KCNMA1: variants seen among roughly 807,000 people sequenced by gnomAD.
KCNMA1 encodes the protein potassium calcium-activated channel subfamily M alpha 1, also known as Calcium-activated potassium channel subunit alpha-1.
A neutral mutation model predicts 140.0 loss-of-function variants in KCNMA1; 29 were observed. The ratio of observed to expected loss-of-function variants is 0.21; its 90% CI spans 0.15 to 0.28. KCNMA1 has a LOEUF of 0.28. KCNMA1 is among the 10% of genes least tolerant of loss of function. KCNMA1 has a pLI of 1.00. For missense variants in KCNMA1, 880 were observed against 1,602.2 expected (o/e 0.55, Z 7.70); for synonymous variants, 612 against 611.9 (o/e 1.00, Z 0.00).
Position 76,957,796 on chromosome 10 carries a change from T to C in KCNMA1, c.2361-3872A>G, listed in dbSNP as rs200338956. Reference sequence around the variant, plus strand: ...GCAGCGTGGGAGAGGGATTAATTTATGGCTCCAGTAAGGGCCAGCACTGTT... The same window carrying C: ...GCAGCGTGGGAGAGGGATTAATTTACGGCTCCAGTAAGGGCCAGCACTGTT... On this transcript the variant is annotated intron_variant, in intron 20 of 27. Coordinates refer to ENST00000286628, the MANE Select transcript of KCNMA1 (RefSeq NM_001161352.2). Among the ~76,000 whole-genome samples, 11 of 152,344 alleles carry C rather than the reference T, an allele frequency of 7.2e-5. No homozygotes were observed. The East Asian group carries it at 2.1e-3, about 29-fold the overall frequency.
intron 2 of KCNMA1, among the ~76,000 whole-genome samples, chr10:77,322,093 G>A (rs1259233900): frequency 6.6e-6 from 1 of 152,154 alleles, no homozygotes; most frequent in Non-Finnish European, 1.5e-5. Context: ...CAAGCTGATT[G>A]TATCTTGTGG....
intron 19 of KCNMA1, among the ~76,000 whole-genome samples, chr10:76,985,981 C>T (rs964020889): frequency 1.3e-5 from 2 of 152,144 alleles, no homozygotes; most frequent in Non-Finnish European, 2.9e-5. Flanking sequence ...GTGTTTCTCA[C>T]TTGAAACAAA....
At chr10:77,161,932 T>C (rs1206829135) in intron 5 of KCNMA1, among the ~76,000 whole-genome samples, 1 of 152,358 alleles carries the variant, frequency 6.6e-6, no homozygotes, top group East Asian at 1.9e-4. Flanking sequence ...CAGTATACCA[T>C]GCACAACAAG....
At chr10:77,594,647 A>T (rs568389633) in intron 1 of KCNMA1, among the ~76,000 whole-genome samples, 1 of 152,316 alleles carries the variant, frequency 6.6e-6, no homozygotes, top group South Asian at 2.1e-4. Context: ...AAGACACTTC[A>T]AAAACTTACA....
At chr10:77,446,311 C>G (rs987049812) in intron 1 of KCNMA1, among the ~76,000 whole-genome samples, 4 of 152,216 alleles carry the variant, frequency 2.6e-5, no homozygotes, top group African/African-American at 4.8e-5. Context: ...CAAAGACCAG[C>G]CTTTCACCAT....
intron 1 of KCNMA1, among the ~76,000 whole-genome samples, chr10:77,562,219 C>A (rs1470228182): frequency 6.6e-6 from 1 of 152,222 alleles, no homozygotes; most frequent in Non-Finnish European, 1.5e-5. Context: ...CTGACAACCT[C>A]AGGATCTTCA....
At chr10:76,959,655 A>C in intron 20 of KCNMA1, among the ~76,000 whole-genome samples, 1 of 152,210 alleles carries the variant, frequency 6.6e-6, no homozygotes, top group East Asian at 1.9e-4. Context: ...GAAAGGAGGC[A>C]GGAAAGGGAG....
chr10:76,925,557 T>G (rs1427321077), intron 23 of KCNMA1, among the ~76,000 whole-genome samples: 1 of 152,198 alleles, frequency 6.6e-6, no homozygotes, highest in East Asian at 1.9e-4. Context: ...TCTCCCCTTT[T>G]GCAAGCATTA....
intron 1 of KCNMA1, among the ~76,000 whole-genome samples, chr10:77,605,746 GC>G (rs774897180): frequency 9.2e-5 from 14 of 152,354 alleles, no homozygotes; most frequent in Non-Finnish European, 1.9e-4. Flanking sequence ...GGCCCTGCAG[GC>G]CCTCAGGCTG....
At chr10:77,056,996 A>G (rs910456146) in intron 14 of KCNMA1, among the ~76,000 whole-genome samples, 11 of 152,198 alleles carry the variant, frequency 7.2e-5, no homozygotes, top group Admixed American at 1.3e-4. Context: ...AATATGGTGC[A>G]GGAAAAAAAA....
chr10:76,926,170 C>G (rs2057630268), intron 23 of KCNMA1, among the ~76,000 whole-genome samples: 1 of 152,170 alleles, frequency 6.6e-6, no homozygotes. Context: ...GCTGGTTTGA[C>G]TCTGAGCATC....
chr10:77,183,601 C>A (rs975907868), intron 4 of KCNMA1, 69 bp from the exon 5 acceptor site: 1 of 1,092,204 alleles, frequency 9.2e-7, no homozygotes, highest in Non-Finnish European at 1.4e-6. Flanking sequence ...AATGTACACT[C>A]TTTTGTCAAA....
intron 3 of KCNMA1, among the ~76,000 whole-genome samples, chr10:77,192,875 T>A (rs1233215239): frequency 2.6e-5 from 4 of 152,184 alleles, no homozygotes; most frequent in Non-Finnish European, 5.9e-5. Flanking sequence ...ATTTCACAAA[T>A]GCCTAGTATA....
At chr10:77,000,680 A>G (rs2085935933) in intron 19 of KCNMA1, among the ~76,000 whole-genome samples, 1 of 151,854 alleles carries the variant, frequency 6.6e-6, no homozygotes, top group Admixed American at 6.6e-5. Flanking sequence ...ATACTATTGG[A>G]AAAATAAAAG....
chr10:77,539,617 T>C (rs1275286609), intron 1 of KCNMA1, among the ~76,000 whole-genome samples: 1 of 152,182 alleles, frequency 6.6e-6, no homozygotes, highest in East Asian at 1.9e-4. Context: ...CTATCAGAGA[T>C]GGGCAACACA....
At chr10:77,555,108 C>T (rs2063926894) in intron 1 of KCNMA1, among the ~76,000 whole-genome samples, 1 of 150,760 alleles carries the variant, frequency 6.6e-6, no homozygotes, top group Admixed American at 6.6e-5. Context: ...AGAACTTCCC[C>T]AGTCCAGTGC....
chr10:77,120,225 C>T, intron 6 of KCNMA1, among the ~76,000 whole-genome samples: 1 of 152,092 alleles, frequency 6.6e-6, no homozygotes, highest in East Asian at 1.9e-4. Flanking sequence ...CACGTCTAAC[C>T]TCTTTTATTA....
At chr10:77,430,724 T>C (rs1703059197) in intron 1 of KCNMA1, among the ~76,000 whole-genome samples, 1 of 152,228 alleles carries the variant, frequency 6.6e-6, no homozygotes, top group Admixed American at 6.5e-5. Context: ...ACTTACATCA[T>C]GTCCATGCAC....
intron 14 of KCNMA1, among the ~76,000 whole-genome samples, chr10:77,049,647 T>C (rs952714926): frequency 6.6e-6 from 1 of 152,166 alleles, no homozygotes; most frequent in Non-Finnish European, 1.5e-5. Context: ...AAGATAAAAC[T>C]GGAGAGAGAG....
Sources: allele counts gnomAD v4.1 joint callset (sites outside exome capture counted in the v4.1 genomes callset), GRCh38; gene constraint gnomAD v4.1.1; transcripts MANE v1.5; gene names NCBI Gene and HGNC (gene_info 2026-07-23, HGNC 2026-07-21).